Variants in SLC43A1 observed in about 807,000 individuals in gnomAD.
SLC43A1 encodes solute carrier family 43 member 1, also known as large neutral amino acids transporter small subunit 3.
Under a neutral mutation model 59.5 loss-of-function variants are expected in SLC43A1, and 31 were observed. The ratio of observed to expected loss-of-function variants is 0.52; its 90% confidence interval spans 0.39 to 0.70. The LOEUF is 0.70. Among genes scored for constraint, SLC43A1 ranks in the 30% least tolerant of loss-of-function variants. The probability of loss-of-function intolerance (pLI) is 0.00; values close to 1 mark genes in which losing one functional copy is unlikely to be tolerated. For synonymous variants in SLC43A1, 259 were observed against 290.9 expected (o/e 0.89, Z 1.12); for missense variants, 598 against 717.8 (o/e 0.83, Z 1.91).
At chr11:57,498,953 A>C (rs917633850) in intron 5 of SLC43A1, among the ~76,000 whole-genome samples, 7 of 152,078 alleles carry the variant, frequency 4.6e-5, no homozygotes, top group African/African-American at 1.7e-4. Flanking sequence ...GGACCTTAGG[A>C]TCCGTACAAA....
At chr11:57,512,796 A>T (rs1944583834) in intron 2 of SLC43A1, among the ~76,000 whole-genome samples, 1 of 151,910 alleles carries the variant, frequency 6.6e-6, no homozygotes, top group Non-Finnish European at 1.5e-5. Context: ...AATTGGGGCC[A>T]GGAGGCATGG....
intron 6 of SLC43A1, among the ~76,000 whole-genome samples, chr11:57,497,257 C>T (rs143055373): frequency 5.1e-4 from 77 of 152,304 alleles, no homozygotes; most frequent in African/African-American, 1.7e-3. Flanking sequence ...CCATCTTGCA[C>T]TGAGCTAAAA....
chr11:57,510,964 A>G (rs1944525680), intron 2 of SLC43A1, among the ~76,000 whole-genome samples: 1 of 151,544 alleles, frequency 6.6e-6, no homozygotes, highest in South Asian at 2.1e-4. Context: ...CCTGGGCAAC[A>G]AGAGAGAAAT....
At chr11:57,487,611 T>C (rs1943779674) in intron 13 of SLC43A1, among the ~76,000 whole-genome samples, 2 of 151,992 alleles carry the variant, frequency 1.3e-5, no homozygotes, top group Non-Finnish European at 1.5e-5. Context: ...GTCAACAGAT[T>C]CCTGCCATCG....
At position 57,513,948 on chromosome 11, in the gene SLC43A1, T is replaced by G; in HGVS notation, c.154+10A>C. On this transcript the variant is annotated intron_variant, in intron 2 of 14. Coordinates refer to ENST00000278426, the MANE Select transcript of SLC43A1 (RefSeq NM_003627.6). ...TCCCCCCAGCCCACCCAGCCCATTT[T>G]CAGGCATACCTGGGCACGTGCTGGA... 3 of 1,510,048 alleles carry G rather than the reference T, an allele frequency of 2.0e-6. No homozygotes were observed. The highest frequency in any genetic ancestry group is 1.8e-6 in the Non-Finnish European group (2 of 1,099,904). The allele number at this position is 1,510,048 out of a possible 1,614,324, so 93.5% of individuals were successfully genotyped here.
intron 8 of SLC43A1, 131 bp downstream of exon 8, chr11:57,493,862 C>T (rs1944001354): frequency 1.2e-6 from 1 of 821,488 alleles, no homozygotes; most frequent in Non-Finnish European, 1.8e-6. Context: ...GAGGAGCATG[C>T]CCCACCTACA....
chr11:57,513,824 G>A (rs915202749), intron 2 of SLC43A1, 134 bp downstream of exon 2: 1 of 709,604 alleles, frequency 1.4e-6, no homozygotes, highest in African/African-American at 1.7e-5. Flanking sequence ...CCTGAAGTTT[G>A]AAGAGGTCGA....
chr11:57,491,430 C>A (rs1013312440), intron 10 of SLC43A1, 68 bp from the exon 11 acceptor site: 59 of 1,557,362 alleles, frequency 3.8e-5, no homozygotes, highest in Non-Finnish European at 2.6e-6. Context: ...CCCCTTCCAG[C>A]GGAGGCCAGA....
At chr11:57,486,587 C>T (rs1298246285) in intron 14 of SLC43A1, among the ~76,000 whole-genome samples, 3 of 149,398 alleles carry the variant, frequency 2.0e-5, no homozygotes, top group Admixed American at 6.7e-5. Context: ...ATCACGAGGT[C>T]GGGAGATCGA....
chr11:57,492,199 C>A lies in SLC43A1; in HGVS notation c.872-337G>T, dbSNP rs1237701530. Among the ~76,000 whole-genome samples, 7 of 144,396 alleles carry A rather than the reference C, an allele frequency of 4.8e-5. No individual in the cohort carries two copies. The East Asian group carries it at 1.2e-3, about 25-fold the overall frequency. The allele number at this position is 144,396 out of a possible 152,430, so 94.7% of individuals were successfully genotyped here. A position where few individuals can be genotyped will look rare whatever the true frequency, so the allele number is the denominator to read the frequency against. On this transcript the variant is annotated intron_variant, in intron 8 of 14. Coordinates refer to ENST00000278426, the MANE Select transcript of SLC43A1 (RefSeq NM_003627.6). ...GGTGGTCAACATAGCAAGACCCTAT[C>A]TCTAAAAATATATATATATATTTAT...
chr11:57,488,882 A>T, intron 13 of SLC43A1, 34 bp downstream of exon 13: 1 of 1,586,166 alleles, frequency 6.3e-7, no homozygotes. Flanking sequence ...ACGGTTGCAA[A>T]GCTCAGGAAG....
At chr11:57,491,193 T>C (rs1345518134) in intron 11 of SLC43A1, 31 bp downstream of exon 11, 6 of 1,498,366 alleles carry the variant, frequency 4.0e-6, no homozygotes, top group Non-Finnish European at 5.3e-6. Flanking sequence ...CCTGACCACT[T>C]GCTGTCACCA....
chr11:57,490,930 G>A (rs751644840), intron 11 of SLC43A1, among the ~76,000 whole-genome samples: 1 of 152,128 alleles, frequency 6.6e-6, no homozygotes, highest in African/African-American at 2.4e-5. Flanking sequence ...CCTGTACCTC[G>A]GTTTCCTCAA....
chr11:57,504,398 T>C (rs2135204703), intron 2 of SLC43A1, among the ~76,000 whole-genome samples: 1 of 152,292 alleles, frequency 6.6e-6, no homozygotes, highest in South Asian at 2.1e-4. Context: ...GCATTTCCAT[T>C]TGCAGTCCCT....
intron 8 of SLC43A1, among the ~76,000 whole-genome samples, chr11:57,492,953 T>C (rs754223757): frequency 1.3e-5 from 2 of 151,718 alleles, no homozygotes; most frequent in Admixed American, 6.6e-5. Flanking sequence ...GGCAGGAGAA[T>C]TGCTTGAACC....
chr11:57,514,235 T>C lies in SLC43A1; in HGVS notation c.-13-111A>G. 1.5e-6 allele frequency: 2 copies of C among 1,295,426 alleles called. No individual in the cohort carries two copies. Among genetic ancestry groups the C allele is most frequent in the Non-Finnish European group, 2.1e-6 (2 of 971,104 alleles). 80.2% of individuals were successfully genotyped at this position (1,295,426 alleles called of 1,614,324 possible). ...GGGCCAGCCCGCGAGGAGCCCCTCA[T>C]GGAGGCCCCATAGAGCCCTGGGCTT... On this transcript the variant is annotated intron_variant, in intron 1 of 14. Coordinates refer to ENST00000278426, the MANE Select transcript of SLC43A1 (RefSeq NM_003627.6). The surrounding 1 kb of genome is among the most constrained non-coding windows in gnomAD (Gnocchi z 5.5).
intron 2 of SLC43A1, among the ~76,000 whole-genome samples, chr11:57,510,646 AAT>A (rs1027648906): frequency 1.3e-5 from 2 of 151,316 alleles, no homozygotes; most frequent in Admixed American, 1.3e-4. Flanking sequence ...TAGTCTTAAA[AAT>A]ATATATATAT....
At chr11:57,497,921 A>G (rs1944138255) in intron 5 of SLC43A1, 76 bp from the exon 6 acceptor site, 2 of 1,136,542 alleles carry the variant, frequency 1.8e-6, no homozygotes, top group Non-Finnish European at 2.6e-6. Context: ...TGCTCCATAC[A>G]ATAGCCCCAG....
chr11:57,500,809 A>G lies in SLC43A1; in HGVS notation c.435T>C (p.Gly145=), dbSNP rs757659887. 2 of 1,614,248 alleles carry G rather than the reference A, an allele frequency of 1.2e-6. No individual in the cohort carries two copies. Among genetic ancestry groups the G allele is most frequent in the Admixed American group, 3.3e-5 (2 of 60,024 alleles). The change falls in exon 5 of 15, where the codon GGT becomes GGC. Residue 145 remains glycine (G), a synonymous_variant. Transcript: ENST00000278426. The part of the protein sequence containing the change: ...IFLALSLNGF[G]GICLTFTSLT... ...GTGAAGTGAACGTTAGGCAGATGCCACCAAAGCCATTCAGGGACAGCGCCA... is the reference window on the plus strand; with the variant it reads ...GTGAAGTGAACGTTAGGCAGATGCCGCCAAAGCCATTCAGGGACAGCGCCA...
Sources: allele counts gnomAD v4.1 joint callset (sites outside exome capture counted in the v4.1 genomes callset), GRCh38; gene constraint gnomAD v4.1.1; non-coding constraint Gnocchi (gnomAD v3.1); transcripts MANE v1.5; gene names NCBI Gene and HGNC (gene_info 2026-07-23, HGNC 2026-07-21).